The following NRXN3 variants were observed in gnomAD, a reference collection of about 807,000 sequenced individuals.
The protein encoded by NRXN3 is neurexin 3.
NRXN3 carries 32 observed loss-of-function variants against 137.6 expected under a neutral mutation model. The observed-to-expected ratio is 0.23, with a 90% CI of 0.18 to 0.31. The LOEUF is 0.31. Ranked by LOEUF, NRXN3 falls within the 10% of genes least tolerant of loss-of-function variation. The pLI, the probability that NRXN3 is intolerant of heterozygous loss-of-function variation, is 1.00. For synonymous variants in NRXN3, 798 were observed against 784.5 expected (o/e 1.02, Z -0.29); for missense variants, 1,574 against 2,062.5 (o/e 0.76, Z 4.59).
intron 15 of NRXN3, among the ~76,000 whole-genome samples, chr14:79,330,691 T>C (rs187433289): frequency 6.6e-6 from 1 of 152,250 alleles, no homozygotes; most frequent in Non-Finnish European, 1.5e-5. Flanking sequence ...CATCTCCCAA[T>C]GGAGAAAGCA....
chr14:78,521,121 GA>G (rs1300263892), intron 4 of NRXN3, among the ~76,000 whole-genome samples: 1 of 152,018 alleles, frequency 6.6e-6, no homozygotes, highest in African/African-American at 2.4e-5. Context: ...ATTTATGGGG[GA>G]TCCATTGCAT....
chr14:79,324,495 A>T (rs1301598812), intron 15 of NRXN3, among the ~76,000 whole-genome samples: 15 of 152,208 alleles, frequency 9.9e-5, no homozygotes, highest in Admixed American at 9.8e-4. Flanking sequence ...ATTCTGGATC[A>T]AATAGAGAGG....
At chr14:79,196,948 C>T (rs764978168) in intron 15 of NRXN3, among the ~76,000 whole-genome samples, 6 of 152,090 alleles carry the variant, frequency 3.9e-5, no homozygotes, top group South Asian at 2.1e-4. Flanking sequence ...CTAAATGGCT[C>T]CACTAATCTC....
intron 10 of NRXN3, among the ~76,000 whole-genome samples, chr14:78,903,440 C>G (rs1031992758): frequency 6.6e-6 from 1 of 152,038 alleles, no homozygotes; most frequent in African/African-American, 2.4e-5. Flanking sequence ...CTGCGTCTGA[C>G]TGAAGTTTCA....
At chr14:78,654,763 A>T (rs2097772505) in intron 6 of NRXN3, among the ~76,000 whole-genome samples, 1 of 152,170 alleles carries the variant, frequency 6.6e-6, no homozygotes. Flanking sequence ...TTCTTGTTGT[A>T]TCCCCAGCTC....
chr14:79,009,781 C>A (rs2152388131), intron 15 of NRXN3, among the ~76,000 whole-genome samples: 1 of 152,236 alleles, frequency 6.6e-6, no homozygotes, highest in Non-Finnish European at 1.5e-5. Flanking sequence ...TGAATAATTT[C>A]TGCAGACAGG....
At position 78,577,568 on chromosome 14, in the gene NRXN3, C is replaced by T. The variant is rs575079147; in HGVS notation, c.758-67552C>T. On this transcript the variant is annotated intron_variant, in intron 4 of 20. Transcript: ENST00000335750. ...ACAACCGCCACCTCCCAGGTTCAAG[C>T]GATCCTCCTGCCTCAGCCTCCCAAA... Among the ~76,000 whole-genome samples the T allele has an allele frequency of 1.7e-4, 26 of 152,182 alleles. No individual in the cohort carries two copies. In the South Asian group the frequency reaches 2.5e-3, roughly 15 times the overall value.
At chr14:78,713,739 G>A (rs955699652) in intron 7 of NRXN3, among the ~76,000 whole-genome samples, 1 of 152,204 alleles carries the variant, frequency 6.6e-6, no homozygotes, top group African/African-American at 2.4e-5. Flanking sequence ...GGCAGCAGGA[G>A]AGAGAGAAGT....
intron 10 of NRXN3, among the ~76,000 whole-genome samples, chr14:78,931,333 TATTA>T (rs2099321314): frequency 6.6e-6 from 1 of 152,166 alleles, no homozygotes; most frequent in Non-Finnish European, 1.5e-5. Flanking sequence ...GTGCCTAAAA[TATTA>T]ATTATTGTCC....
intron 19 of NRXN3, among the ~76,000 whole-genome samples, chr14:79,733,702 T>A (rs1363475516): frequency 3.3e-5 from 5 of 151,918 alleles, no homozygotes; most frequent in Non-Finnish European, 5.9e-5. Flanking sequence ...ACTGTGATTA[T>A]TTTTTGATGG....
At chr14:78,354,418 C>A (rs987948446) in intron 4 of NRXN3, among the ~76,000 whole-genome samples, 4 of 152,188 alleles carry the variant, frequency 2.6e-5, no homozygotes, top group African/African-American at 9.7e-5. Flanking sequence ...ACTGTTGTCC[C>A]AGCCTCTCCC....
chr14:78,502,903 A>G (rs1228982024), intron 4 of NRXN3, among the ~76,000 whole-genome samples: 1 of 152,208 alleles, frequency 6.6e-6, no homozygotes, highest in Non-Finnish European at 1.5e-5. Context: ...GCCTGGTGCC[A>G]TGAGTCTGTG....
At chr14:78,458,577 CTT>C (rs2153714803) in intron 4 of NRXN3, among the ~76,000 whole-genome samples, 1 of 152,274 alleles carries the variant, frequency 6.6e-6, no homozygotes, top group Admixed American at 6.5e-5. Flanking sequence ...CTATTTATAT[CTT>C]TATCTGTCTC....
At chr14:78,255,893 A>ATT (rs1189413964) in intron 2 of NRXN3, among the ~76,000 whole-genome samples, 1 of 152,208 alleles carries the variant, frequency 6.6e-6, no homozygotes, top group Non-Finnish European at 1.5e-5. Context: ...GAGCTCAAGT[A>ATT]TATCTGTTGA....
At chr14:78,580,799 C>T (rs975362176) in intron 4 of NRXN3, among the ~76,000 whole-genome samples, 1 of 152,184 alleles carries the variant, frequency 6.6e-6, no homozygotes, top group Non-Finnish European at 1.5e-5. Flanking sequence ...AGTAACTCTT[C>T]TTTGGGGCCA....
At position 78,514,978 on chromosome 14, in the gene NRXN3, T is replaced by C. The variant is rs2096179412; in HGVS notation, c.758-130142T>C. ...TCAAGGAGCAGCTGTCATTGCTCTG[T>C]AGTGCACTTGGAAAATATGCTCAGG... On this transcript the variant is annotated intron_variant, in intron 4 of 20. Coordinates refer to ENST00000335750, the MANE Select transcript of NRXN3 (RefSeq NM_001330195.2). 1.3e-5 allele frequency among the ~76,000 whole-genome samples: 2 copies of C among 152,138 alleles called. 1 individual carries two copies. The highest frequency in any genetic ancestry group is 4.1e-4 in the South Asian group (2 of 4,826).
At chr14:79,171,355 A>C (rs2061762065) in intron 15 of NRXN3, among the ~76,000 whole-genome samples, 2 of 152,132 alleles carry the variant, frequency 1.3e-5, no homozygotes, top group South Asian at 4.1e-4. Context: ...TAAAGTCATA[A>C]GAGTTGTGTT....
intron 4 of NRXN3, among the ~76,000 whole-genome samples, chr14:78,572,528 C>A (rs1019119350): frequency 2.6e-5 from 4 of 152,172 alleles, no homozygotes; most frequent in Non-Finnish European, 5.9e-5. Context: ...TGGATCAGAC[C>A]AATCCAGAAG....
intron 4 of NRXN3, among the ~76,000 whole-genome samples, chr14:78,494,358 C>A (rs192820666): frequency 2.7e-5 from 4 of 149,894 alleles, no homozygotes; most frequent in Non-Finnish European, 5.9e-5. Flanking sequence ...CCATATTTGG[C>A]GTGTTTTGTT....
Sources: allele counts gnomAD v4.1 joint callset (sites outside exome capture counted in the v4.1 genomes callset), GRCh38; gene constraint gnomAD v4.1.1; transcripts MANE v1.5; gene names NCBI Gene and HGNC (gene_info 2026-07-23, HGNC 2026-07-21).